SLC12A6: variants seen among roughly 807,000 people sequenced by gnomAD.
SLC12A6 encodes solute carrier family 12 member 6.
SLC12A6 carries 66 observed loss-of-function variants against 135.3 expected under a neutral mutation model. The observed-to-expected ratio is 0.49, with a 90% CI of 0.40 to 0.60. SLC12A6 has a LOEUF of 0.60. Among genes scored for constraint, SLC12A6 ranks in the 20% least tolerant of loss-of-function variants. The pLI is 0.00. For synonymous variants in SLC12A6, 513 were observed against 508.8 expected (o/e 1.01, Z -0.11); for missense variants, 1,058 against 1,452.3 (o/e 0.73, Z 4.41).
In SLC12A6 at chr15:34,231,592, CTTTTTTT is replaced by C. The variant is rs770260783; in HGVS notation, c.*2282_*2288del. The C allele has an allele frequency of 1.1e-5, 1 of 93,200 alleles. No individual in the cohort carries two copies. Among genetic ancestry groups the C allele is most frequent in the African/African-American group, 3.9e-5 (1 of 25,954 alleles). The allele number at this position is 93,200 out of a possible 1,614,324, so 5.8% of individuals were successfully genotyped here. ...AATTACTCAATTTCTTTCTTTCTTT[CTTTTTTT>C]TTTTTTTTGAGATGGAGTCTCCCTC... On this transcript the variant is annotated 3_prime_UTR_variant, in exon 26 of 26. Transcript: ENST00000354181.
chr15:34,250,792 A>G (rs1892331573), intron 11 of SLC12A6, 63 bp from the exon 12 acceptor site: 3 of 1,359,142 alleles, frequency 2.2e-6, no homozygotes, highest in Non-Finnish European at 3.2e-6. Context: ...TGATACTGAT[A>G]GCAAAGAGTA....
At chr15:34,333,097 T>C (rs1465075128) in intron 2 of SLC12A6, among the ~76,000 whole-genome samples, 1 of 152,188 alleles carries the variant, frequency 6.6e-6, no homozygotes, top group East Asian at 1.9e-4. Flanking sequence ...AATAAGATTC[T>C]AGATCATTAG....
intron 2 of SLC12A6, chr15:34,318,944 C>A (rs186571633): frequency 1.6e-4 from 63 of 386,130 alleles, no homozygotes; most frequent in Non-Finnish European, 2.1e-4. Flanking sequence ...ACCTGAAGAA[C>A]CCCAAGAACA....
At chr15:34,310,174 AGTGTGTGTGTGTGT>A (rs60783164) in intron 2 of SLC12A6, among the ~76,000 whole-genome samples, 1 of 127,794 alleles carries the variant, frequency 7.8e-6, no homozygotes, top group African/African-American at 3.4e-5. Flanking sequence ...ACGCCCAGCT[AGTGTGTGTGTGTGT>A]GTGTGTGTGT....
intron 2 of SLC12A6, among the ~76,000 whole-genome samples, chr15:34,288,614 G>A (rs150469945): frequency 0.045 from 6,835 of 152,294 alleles, 455 homozygotes; most frequent in East Asian, 0.3. Context: ...TCCTACCCAT[G>A]AGCATAGAAT....
At chr15:34,274,685 C>T (rs347823) in intron 3 of SLC12A6, among the ~76,000 whole-genome samples, 52,445 of 151,720 alleles carry the variant, frequency 0.35, 11,099 homozygotes, top group African/African-American at 0.61. Context: ...TGGTGGCGGG[C>T]GCCTGTAGTC....
At chr15:34,292,567 G>C (rs1895613108) in intron 2 of SLC12A6, among the ~76,000 whole-genome samples, 2 of 152,284 alleles carry the variant, frequency 1.3e-5, no homozygotes, top group South Asian at 4.1e-4. Flanking sequence ...GCTGTCTGCT[G>C]CCTTTTGTTC....
rs1892589959 is a variant in SLC12A6 at position 34,254,245 on chromosome 15, T to A, written c.1118+103A>T. On this transcript the variant is annotated intron_variant, in intron 9 of 25. Coordinates refer to ENST00000354181, the MANE Select transcript of SLC12A6 (RefSeq NM_001365088.1). ...AACTGGGCTTATCTGAGAGGGAAAATCTCAGAGAGACTCTATGAAATTCTG... is the reference window on the plus strand; with the variant it reads ...AACTGGGCTTATCTGAGAGGGAAAAACTCAGAGAGACTCTATGAAATTCTG... 17 of 1,228,062 alleles carry A rather than the reference T, an allele frequency of 1.4e-5. No homozygotes were observed. The South Asian group carries it at 2.1e-4, about 15-fold the overall frequency. 76.1% of individuals were successfully genotyped at this position (1,228,062 alleles called of 1,614,324 possible). A position where few individuals can be genotyped will look rare whatever the true frequency, so the allele number is the denominator to read the frequency against.
In SLC12A6 at chr15:34,336,649, GC is replaced by G; in HGVS notation, c.31del (p.Ala11LeufsTer7). ...CGGTGTCACCATGAACCGAACTGAA[GC>G]CATCTTGGTGGTGGTTTCTGGAGGA... MHPPETTTKM[A>X]SVRFMVTPTK... On this transcript the variant is annotated frameshift_variant, in exon 2 of 26. Coordinates refer to ENST00000354181, the MANE Select transcript of SLC12A6 (RefSeq NM_001365088.1). LOFTEE classifies it high-confidence loss of function. 6.2e-7 allele frequency: 1 copy of G among 1,613,998 alleles called. No homozygotes were observed. The highest frequency in any genetic ancestry group is 8.5e-7 in the Non-Finnish European group (1 of 1,179,888).
At chr15:34,313,766 T>G (rs1445086745) in intron 2 of SLC12A6, among the ~76,000 whole-genome samples, 1 of 152,116 alleles carries the variant, frequency 6.6e-6, no homozygotes, top group East Asian at 1.9e-4. Flanking sequence ...GACTTTAAGT[T>G]AAAGTCAATG....
intron 6 of SLC12A6, among the ~76,000 whole-genome samples, 165 bp from the exon 7 acceptor site, chr15:34,256,448 T>C (rs917607507): frequency 2.6e-5 from 4 of 152,348 alleles, no homozygotes; most frequent in Middle Eastern, 3.4e-3. Flanking sequence ...GTCCAATTCA[T>C]TGCGCTAGTC....
intron 2 of SLC12A6, among the ~76,000 whole-genome samples, chr15:34,279,869 A>G (rs1037610428): frequency 6.6e-6 from 1 of 152,260 alleles, no homozygotes; most frequent in African/African-American, 2.4e-5. Flanking sequence ...GATAGATGTA[A>G]TCAGAAAGAT....
At chr15:34,245,597 CA>C (rs1891926364) in intron 14 of SLC12A6, 95 bp downstream of exon 14, 1 of 1,159,700 alleles carries the variant, frequency 8.6e-7, no homozygotes, top group Non-Finnish European at 1.3e-6. Context: ...CACGTCTCCA[CA>C]TTTATGATCT....
chr15:34,237,555 G>T lies in SLC12A6; in HGVS notation c.2803-5C>A. 2 of 1,610,864 alleles carry T rather than the reference G, an allele frequency of 1.2e-6. No homozygotes were observed. The highest frequency in any genetic ancestry group is 2.2e-5 in the South Asian group (2 of 90,880). On this transcript the variant is annotated splice_polypyrimidine_tract_variant and splice_region_variant and intron_variant, in intron 21 of 25. Coordinates refer to ENST00000354181, the MANE Select transcript of SLC12A6 (RefSeq NM_001365088.1). Reference sequence around the variant, plus strand: ...TATGCTGCACTTTCGCCACACCTGAGAGAGTGACATACACATGTGAAAAAT... The same window carrying T: ...TATGCTGCACTTTCGCCACACCTGATAGAGTGACATACACATGTGAAAAAT...
At chr15:34,237,374 G>A (rs756999143) in intron 22 of SLC12A6, 45 bp downstream of exon 22, 3 of 1,576,994 alleles carry the variant, frequency 1.9e-6, no homozygotes, top group African/African-American at 2.7e-5. Flanking sequence ...ACAGGGAGAG[G>A]AATGGGGGAA....
At chr15:34,235,523 C>A (rs983124631) in intron 24 of SLC12A6, among the ~76,000 whole-genome samples, 2 of 151,322 alleles carry the variant, frequency 1.3e-5, no homozygotes, top group South Asian at 2.1e-4. Context: ...CAACCTCCGC[C>A]TCCCAGGTTC....
chr15:34,309,692 A>G (rs1350135114), intron 2 of SLC12A6, among the ~76,000 whole-genome samples: 1 of 152,220 alleles, frequency 6.6e-6, no homozygotes. Flanking sequence ...TAGTAAACAG[A>G]ATTGGGAAGA....
chr15:34,335,813 T>G (rs943978001), intron 2 of SLC12A6, among the ~76,000 whole-genome samples: 19 of 152,218 alleles, frequency 1.2e-4, no homozygotes, highest in African/African-American at 4.3e-4. Flanking sequence ...AATCAGGCCC[T>G]AAAAGCCTTT....
At chr15:34,324,148 A>T (rs183375537) in intron 2 of SLC12A6, among the ~76,000 whole-genome samples, 73 of 152,300 alleles carry the variant, frequency 4.8e-4, no homozygotes, top group African/African-American at 1.4e-3. Context: ...TATGTATATA[A>T]CAGCTTTATT....
Sources: gnomAD v4.1 joint callset for allele counts (sites outside exome capture counted in the v4.1 genomes callset) on GRCh38, gnomAD v4.1.1 for gene constraint, MANE v1.5 for transcripts, NCBI Gene and HGNC (gene_info 2026-07-23, HGNC 2026-07-21) for gene names.